The following SCGB1A1 variants were observed in gnomAD, a reference collection of about 807,000 sequenced individuals.
SCGB1A1 encodes secretoglobin family 1A member 1, also known as uteroglobin.
Under a neutral mutation model 7.5 loss-of-function variants are expected in SCGB1A1, and 8 were observed. The observed-to-expected ratio is 1.07, with a 90% CI of 0.63 to 1.92. The LOEUF is 1.92. Ranked by LOEUF, SCGB1A1 falls within the 30% of genes most tolerant of loss-of-function variation. The probability of loss-of-function intolerance (pLI) is 0.00; values close to 1 mark genes in which losing one functional copy is unlikely to be tolerated. For missense variants in SCGB1A1, 121 were observed against 112.7 expected (o/e 1.07, Z -0.33); for synonymous variants, 44 against 40.8 (o/e 1.08, Z -0.30).
intron 1 of SCGB1A1, among the ~76,000 whole-genome samples, chr11:62,420,416 C>A (rs1035291836): frequency 6.7e-6 from 1 of 149,862 alleles, no homozygotes; most frequent in Non-Finnish European, 1.5e-5. Flanking sequence ...CGGGTTCAAG[C>A]GATTCTCCTG....
chr11:62,422,119 G>A (rs1377921500), intron 1 of SCGB1A1, 102 bp from the exon 2 acceptor site: 8 of 908,950 alleles, frequency 8.8e-6, no homozygotes, highest in Non-Finnish European at 1.3e-5. Flanking sequence ...GCTATCTCTC[G>A]CTGATGGGCC....
At chr11:62,420,874 G>T (rs1385484196) in intron 1 of SCGB1A1, among the ~76,000 whole-genome samples, 1 of 151,734 alleles carries the variant, frequency 6.6e-6, no homozygotes, top group Non-Finnish European at 1.5e-5. Context: ...GGCAGAGGTT[G>T]CAGTCAGCCG....
At chr11:62,422,196 G>C (rs777071161) in intron 1 of SCGB1A1, 25 bp from the exon 2 acceptor site, 13 of 1,581,956 alleles carry the variant, frequency 8.2e-6, no homozygotes, top group Middle Eastern at 1.7e-4. Flanking sequence ...CTGGAGACAT[G>C]TGCCTTCTCT....
At chr11:62,422,524 T>C (rs1297652981) in intron 2 of SCGB1A1, 116 bp downstream of exon 2, 2 of 767,362 alleles carry the variant, frequency 2.6e-6, no homozygotes, top group Non-Finnish European at 4.1e-6. Context: ...ACAGTGCCAC[T>C]GTCCCCAGGC....
Position 62,423,190 on chromosome 11 carries a change from A to G in SCGB1A1, c.*99A>G, listed in dbSNP as rs1937845272. On this transcript the variant is annotated 3_prime_UTR_variant, in exon 3 of 3. Transcript: ENST00000278282. Reference sequence around the variant, plus strand: ...TTGCTCTCTTCAATAAACCACAAGCATCTCACTTTTGTGCCCCCTGCGTGG... The same window carrying G: ...TTGCTCTCTTCAATAAACCACAAGCGTCTCACTTTTGTGCCCCCTGCGTGG... 2.3e-6 allele frequency: 3 copies of G among 1,323,892 alleles called. No homozygotes were observed. Among genetic ancestry groups the G allele is most frequent in the Non-Finnish European group, 3.3e-6 (3 of 921,090 alleles). The allele number at this position is 1,323,892 out of a possible 1,614,324, so 82.0% of individuals were successfully genotyped here. A position where few individuals can be genotyped will look rare whatever the true frequency, so the allele number is the denominator to read the frequency against.
rs931264094 is a variant in SCGB1A1 at position 62,422,727 on chromosome 11, A to G, written c.243+319A>G. ...GTAGCTGGGATTACAGGCACCCACC[A>G]TCATGCCGAGCTAATTTCTGTATTT... On this transcript the variant is annotated intron_variant, in intron 2 of 2. Transcript: ENST00000278282. Among the ~76,000 whole-genome samples, 117 of 152,036 alleles carry G rather than the reference A, an allele frequency of 7.7e-4. 1 individual carries two copies. Among genetic ancestry groups the G allele is most frequent in the East Asian group, 7.7e-4 (4 of 5,190 alleles).
In SCGB1A1 at chr11:62,421,543, G is replaced by A. The variant is rs375253738; in HGVS notation, c.56-678G>A. ...TGCTTGCTTTTTGAGACAGAATCTCGCTCTGTTGCCCAGGCTGGAGTGCAG... is the reference window on the plus strand; with the variant it reads ...TGCTTGCTTTTTGAGACAGAATCTCACTCTGTTGCCCAGGCTGGAGTGCAG... On this transcript the variant is annotated intron_variant, in intron 1 of 2. Coordinates refer to ENST00000278282, the MANE Select transcript of SCGB1A1 (RefSeq NM_003357.5). Among the ~76,000 whole-genome samples the A allele has an allele frequency of 5.7e-4, 85 of 149,256 alleles. 1 individual carries two copies. The highest frequency in any genetic ancestry group is 2.1e-3 in the African/African-American group (82 of 39,818).
At chr11:62,420,089 T>G (rs185345409) in intron 1 of SCGB1A1, among the ~76,000 whole-genome samples, 68 of 152,286 alleles carry the variant, frequency 4.5e-4, no homozygotes, top group African/African-American at 1.6e-3. Flanking sequence ...TATTTGTTTT[T>G]CAGAGAAAAT....
At chr11:62,421,491 T>TCTTGCTTGCTTGCTTGCTTG (rs10676203) in intron 1 of SCGB1A1, among the ~76,000 whole-genome samples, 67 of 148,846 alleles carry the variant, frequency 4.5e-4, no homozygotes, top group African/African-American at 1.6e-3. Context: ...TTTTCTTTTC[T>TCTTGCTTGCTTGCTTGCTTG]CTTGCTTGCT....
chr11:62,422,971 A>AGTTTGT, intron 2 of SCGB1A1, 88 bp from the exon 3 acceptor site: 1 of 1,249,194 alleles, frequency 8.0e-7, no homozygotes, highest in Non-Finnish European at 1.2e-6. Context: ...TTAATGTTGA[A>AGTTTGT]GTTTCTGTGG....
In SCGB1A1 at chr11:62,422,309, T is replaced by C; in HGVS notation, c.144T>C (p.Leu48=). 3.1e-6 allele frequency: 5 copies of C among 1,614,122 alleles called. No homozygotes were observed. The highest frequency in any genetic ancestry group is 3.4e-6 in the Non-Finnish European group (4 of 1,179,996). Residue 48 remains leucine, a synonymous_variant, in exon 2 of 3, where the codon CTT becomes CTC. Transcript: ENST00000278282. ...TPSSYEAAME[L]FSPDQDMREA... is the part of the protein sequence containing the mutation. Reference sequence around the variant, plus strand: ...CCAGTTATGAGGCTGCCATGGAACTTTTCAGCCCTGATCAAGACATGAGGG... The same window carrying C: ...CCAGTTATGAGGCTGCCATGGAACTCTTCAGCCCTGATCAAGACATGAGGG...
intron 2 of SCGB1A1, among the ~76,000 whole-genome samples, chr11:62,422,844 C>T (rs1273589938): frequency 6.6e-6 from 1 of 151,986 alleles, no homozygotes; most frequent in Non-Finnish European, 1.5e-5. Context: ...AAAGTGCTGG[C>T]ATTACAGGCG....
At chr11:62,422,583 T>TC (rs1426215098) in intron 2 of SCGB1A1, among the ~76,000 whole-genome samples, 175 bp downstream of exon 2, 3 of 148,622 alleles carry the variant, frequency 2.0e-5, no homozygotes, top group African/African-American at 7.5e-5. Flanking sequence ...TTTTTTTTTT[T>TC]TTTTTTTTTG....
Position 62,422,128 on chromosome 11 carries a change from C to T in SCGB1A1, c.56-93C>T, listed in dbSNP as rs1937810429. Reference sequence around the variant, plus strand: ...AAGGCTGCTATCTCTCGCTGATGGGCCTGGCTGTTTGCATCTGGGCAGACC... The same window carrying T: ...AAGGCTGCTATCTCTCGCTGATGGGTCTGGCTGTTTGCATCTGGGCAGACC... On this transcript the variant is annotated intron_variant, in intron 1 of 2. Coordinates refer to ENST00000278282, the MANE Select transcript of SCGB1A1 (RefSeq NM_003357.5). The T allele has an allele frequency of 9.9e-6, 10 of 1,009,256 alleles. No homozygotes were observed. In the South Asian group the frequency reaches 1.7e-4, roughly 17 times the overall value. The allele number at this position is 1,009,256 out of a possible 1,614,324, so 62.5% of individuals were successfully genotyped here.
chr11:62,419,624 G>C (rs1199253422), intron 1 of SCGB1A1, among the ~76,000 whole-genome samples: 2 of 152,180 alleles, frequency 1.3e-5, no homozygotes, highest in Non-Finnish European at 2.9e-5. Flanking sequence ...CCAAGACAAG[G>C]TCTCTCATTC....
intron 1 of SCGB1A1, 184 bp from the exon 2 acceptor site, chr11:62,422,037 T>C: frequency 2.2e-6 from 1 of 446,356 alleles, no homozygotes; most frequent in East Asian, 3.3e-5. Context: ...CTTGCTCACC[T>C]CAACCCAAGA....
chr11:62,423,021 G>T (rs778487653), intron 2 of SCGB1A1, 38 bp from the exon 3 acceptor site: 16 of 1,597,012 alleles, frequency 1.0e-5, no homozygotes, highest in Admixed American at 1.7e-5. Context: ...ATTCACTGTT[G>T]TATTGGGTTT....
At chr11:62,422,909 A>G in intron 2 of SCGB1A1, 150 bp from the exon 3 acceptor site, 1 of 711,726 alleles carries the variant, frequency 1.4e-6, no homozygotes, top group Non-Finnish European at 2.4e-6. Flanking sequence ...TTTGAGAAAC[A>G]ATCCAAGCCC....
intron 2 of SCGB1A1, among the ~76,000 whole-genome samples, 183 bp from the exon 3 acceptor site, chr11:62,422,876 C>A (rs934073910): frequency 6.6e-6 from 1 of 152,100 alleles, no homozygotes; most frequent in African/African-American, 2.4e-5. Context: ...GCCCAGCCTC[C>A]CCTTACTATT....
Sources: allele counts gnomAD v4.1 joint callset (sites outside exome capture counted in the v4.1 genomes callset), GRCh38; gene constraint gnomAD v4.1.1; transcripts MANE v1.5; gene names NCBI Gene and HGNC (gene_info 2026-07-23, HGNC 2026-07-21).